The following CFDP1 variants were observed in gnomAD, a reference collection of about 807,000 sequenced individuals.
The protein encoded by CFDP1 is chromatin remodeling protein CFDP1.
In CFDP1, 31 loss-of-function variants were observed where a neutral mutation model predicts 40.1. The observed-to-expected ratio is 0.77, with a 90% CI of 0.58 to 1.04. The LOEUF (loss-of-function observed/expected upper bound fraction) is 1.04. CFDP1 is among the 50% of genes least tolerant of loss of function. The pLI is 0.00. For missense variants in CFDP1, 423 were observed against 343.4 expected (o/e 1.23, Z -1.83); for synonymous variants, 167 against 120.0 (o/e 1.39, Z -2.56).
chr16:75,416,344 C>T (rs1364621330), intron 1 of CFDP1, among the ~76,000 whole-genome samples: 1 of 151,252 alleles, frequency 6.6e-6, no homozygotes, highest in Non-Finnish European at 1.5e-5. Context: ...TAATTAATAT[C>T]CTGAAAGAGG....
At chr16:75,356,501 G>GT (rs2078644735) in intron 5 of CFDP1, among the ~76,000 whole-genome samples, 1 of 152,172 alleles carries the variant, frequency 6.6e-6, no homozygotes. Context: ...TGTCATCTAT[G>GT]TTTTGTTGTT....
chr16:75,373,181 G>C (rs1325882000), intron 5 of CFDP1, among the ~76,000 whole-genome samples: 3 of 152,188 alleles, frequency 2.0e-5, no homozygotes, highest in Admixed American at 1.3e-4. Flanking sequence ...CATGTGCTAA[G>C]TGAAAAGAAG....
intron 6 of CFDP1, among the ~76,000 whole-genome samples, chr16:75,302,964 G>A (rs1455299371): frequency 1.3e-5 from 2 of 152,196 alleles, no homozygotes; most frequent in African/African-American, 4.8e-5. Context: ...GGGAGGCCGA[G>A]GCGGGTGGGC....
At chr16:75,366,712 C>G (rs1040961030) in intron 5 of CFDP1, among the ~76,000 whole-genome samples, 1 of 152,048 alleles carries the variant, frequency 6.6e-6, no homozygotes, top group Non-Finnish European at 1.5e-5. Context: ...GGCAAATCTA[C>G]GGAGACAGAA....
chr16:75,327,968 G>A (rs948540238), intron 5 of CFDP1, among the ~76,000 whole-genome samples: 4 of 149,840 alleles, frequency 2.7e-5, no homozygotes, highest in Non-Finnish European at 4.5e-5. Context: ...GACCTCAGGT[G>A]ATCCGCCTGC....
intron 5 of CFDP1, among the ~76,000 whole-genome samples, chr16:75,322,213 T>C (rs2078369391): frequency 6.6e-6 from 1 of 152,244 alleles, no homozygotes; most frequent in Admixed American, 6.5e-5. Context: ...ACAGGAATAT[T>C]AGAATATCTG....
chr16:75,332,110 A>G (rs570907866), intron 5 of CFDP1, among the ~76,000 whole-genome samples: 14 of 152,268 alleles, frequency 9.2e-5, no homozygotes, highest in African/African-American at 3.1e-4. Flanking sequence ...CCTTTGTGAA[A>G]TGTCTGTCAA....
intron 5 of CFDP1, among the ~76,000 whole-genome samples, chr16:75,348,679 C>T (rs1003487319): frequency 1.3e-5 from 2 of 152,042 alleles, no homozygotes; most frequent in African/African-American, 2.4e-5. Flanking sequence ...TCATAAGATA[C>T]AGCTCTTAAG....
chr16:75,293,767 A>T lies in CFDP1; in HGVS notation c.*185T>A. The T allele has an allele frequency of 1.7e-6, 1 of 582,928 alleles. No individual in the cohort carries two copies. The highest frequency in any genetic ancestry group is 3.1e-5 in the Admixed American group (1 of 31,972). The allele number at this position is 582,928 out of a possible 1,614,324, so 36.1% of individuals were successfully genotyped here. A position where few individuals can be genotyped will look rare whatever the true frequency, so the allele number is the denominator to read the frequency against. ...TTATTTTATTTATTCATTTAAGGAC[A>T]AATTTTTAAAAGTAAAGTGAATGAA... On this transcript the variant is annotated 3_prime_UTR_variant, in exon 7 of 7. Coordinates refer to ENST00000283882, the MANE Select transcript of CFDP1 (RefSeq NM_006324.3).
intron 5 of CFDP1, among the ~76,000 whole-genome samples, chr16:75,361,398 C>G (rs2078678506): frequency 6.6e-6 from 1 of 152,146 alleles, no homozygotes; most frequent in African/African-American, 2.4e-5. Flanking sequence ...AGGTGGATCA[C>G]TTGAAGTCAG....
At chr16:75,393,924 TG>T (rs1370825826) in intron 5 of CFDP1, among the ~76,000 whole-genome samples, 1 of 145,326 alleles carries the variant, frequency 6.9e-6, no homozygotes, top group Non-Finnish European at 1.5e-5. Context: ...ACGGGCGTGT[TG>T]GCACCTGTAG....
chr16:75,324,742 T>TAA (rs3071616), intron 5 of CFDP1: 96,890 of 137,370 alleles, frequency 0.71, 34,296 homozygotes, highest in Admixed American at 0.76. Flanking sequence ...GACTTTGTCT[T>TAA]AAAAAAAAAA....
chr16:75,351,432 T>G (rs1404824333), intron 5 of CFDP1, among the ~76,000 whole-genome samples: 1 of 152,202 alleles, frequency 6.6e-6, no homozygotes, highest in Non-Finnish European at 1.5e-5. Flanking sequence ...TGGAATGTTT[T>G]GTTATGCCAT....
intron 5 of CFDP1, among the ~76,000 whole-genome samples, chr16:75,393,737 CAAAAAAAAAAAAAAAAAAAAAA>C (rs61344775): frequency 2.0e-4 from 16 of 80,618 alleles, no homozygotes; most frequent in Admixed American, 4.4e-4. Context: ...GACTCCGTCG[CAAAAAAAAAAAAAAAAAAAAAA>C]AAAAAAAAAA....
At chr16:75,360,497 A>T (rs1187352161) in intron 5 of CFDP1, among the ~76,000 whole-genome samples, 1 of 152,234 alleles carries the variant, frequency 6.6e-6, no homozygotes, top group Non-Finnish European at 1.5e-5. Flanking sequence ...AGAGGGTCCA[A>T]AACAGGTTTT....
chr16:75,311,417 G>A (rs1443131766), intron 5 of CFDP1, among the ~76,000 whole-genome samples: 1 of 152,130 alleles, frequency 6.6e-6, no homozygotes, highest in Non-Finnish European at 1.5e-5. Context: ...GGGATTACAG[G>A]TGTGAGCCAC....
intron 4 of CFDP1, among the ~76,000 whole-genome samples, chr16:75,411,450 G>A (rs1444096289): frequency 6.6e-6 from 1 of 152,008 alleles, no homozygotes; most frequent in Non-Finnish European, 1.5e-5. Context: ...TTCTCTCCTT[G>A]TATTTTCAAT....
At chr16:75,334,964 A>G (rs1233707604) in intron 5 of CFDP1, among the ~76,000 whole-genome samples, 1 of 152,156 alleles carries the variant, frequency 6.6e-6, no homozygotes, top group Admixed American at 6.6e-5. Flanking sequence ...CTCAAAAAAA[A>G]AAAAGAAAAG....
intron 5 of CFDP1, among the ~76,000 whole-genome samples, chr16:75,330,269 A>G (rs1412834703): frequency 1.3e-5 from 2 of 152,192 alleles, no homozygotes. Context: ...CCTAGTCATT[A>G]AGACAGCCTG....
Sources: allele counts gnomAD v4.1 joint callset (sites outside exome capture counted in the v4.1 genomes callset), GRCh38; gene constraint gnomAD v4.1.1; transcripts MANE v1.5; gene names NCBI Gene and HGNC (gene_info 2026-07-23, HGNC 2026-07-21).